The following MAGI2 variants were observed in gnomAD, a reference collection of about 807,000 sequenced individuals.
The protein encoded by MAGI2 is membrane-associated guanylate kinase, WW and PDZ domain-containing protein 2.
MAGI2 carries 35 observed loss-of-function variants against 133.3 expected under a neutral mutation model. That is an observed-to-expected ratio of 0.26 (90% CI 0.20 to 0.35). The LOEUF is 0.35. MAGI2 is among the 10% of genes least tolerant of loss of function. The pLI, the probability that MAGI2 is intolerant of heterozygous loss-of-function variation, is 1.00. For missense variants in MAGI2, 1,636 were observed against 1,863.4 expected (o/e 0.88, Z 2.25); for synonymous variants, 729 against 710.6 (o/e 1.03, Z -0.41).
chr7:78,473,867 G>A (rs1242371323), intron 6 of MAGI2, among the ~76,000 whole-genome samples: 1 of 152,004 alleles, frequency 6.6e-6, no homozygotes, highest in Admixed American at 6.6e-5. Flanking sequence ...GAGGGAATAA[G>A]CTAGGGAAAA....
At chr7:78,523,184 T>C (rs1430290627) in intron 3 of MAGI2, among the ~76,000 whole-genome samples, 2 of 152,208 alleles carry the variant, frequency 1.3e-5, no homozygotes, top group Admixed American at 6.5e-5. Flanking sequence ...AGCAAGTTAC[T>C]TAACCTCTGT....
intron 2 of MAGI2, among the ~76,000 whole-genome samples, chr7:78,743,081 T>C (rs1201669372): frequency 6.6e-6 from 1 of 152,190 alleles, no homozygotes; most frequent in Non-Finnish European, 1.5e-5. Flanking sequence ...TCTCAAAATC[T>C]TGACCCACAG....
chr7:78,656,611 TAC>T (rs1812307349), intron 2 of MAGI2, among the ~76,000 whole-genome samples: 1 of 152,194 alleles, frequency 6.6e-6, no homozygotes, highest in Non-Finnish European at 1.5e-5. Flanking sequence ...AGATCTAATG[TAC>T]AGCATGAGAA....
chr7:79,001,328 A>T (rs1217709953), intron 2 of MAGI2, among the ~76,000 whole-genome samples: 2 of 152,208 alleles, frequency 1.3e-5, no homozygotes, highest in Non-Finnish European at 1.5e-5. Context: ...AATATTTCCC[A>T]ATAAAACTGT....
At chr7:78,881,577 T>C (rs1016955101) in intron 2 of MAGI2, among the ~76,000 whole-genome samples, 2 of 152,020 alleles carry the variant, frequency 1.3e-5, no homozygotes, top group African/African-American at 4.8e-5. Flanking sequence ...TAAAGTATAA[T>C]TTTAAAAAAT....
At chr7:78,848,122 T>C (rs552818538) in intron 2 of MAGI2, among the ~76,000 whole-genome samples, 1 of 151,966 alleles carries the variant, frequency 6.6e-6, no homozygotes, top group Non-Finnish European at 1.5e-5. Context: ...TCTCTCTATT[T>C]GGCATCTCTA....
chr7:79,243,445 A>G (rs949493398), intron 1 of MAGI2, among the ~76,000 whole-genome samples: 1 of 152,214 alleles, frequency 6.6e-6, no homozygotes, highest in Admixed American at 6.5e-5. Flanking sequence ...TGGGGATATT[A>G]TAATAAGGGC....
At chr7:79,149,707 C>A (rs769285234) in intron 1 of MAGI2, among the ~76,000 whole-genome samples, 38 of 152,070 alleles carry the variant, frequency 2.5e-4, no homozygotes, top group African/African-American at 8.5e-4. Context: ...AGGCTCAGAG[C>A]CTTAGGTAGG....
intron 1 of MAGI2, among the ~76,000 whole-genome samples, chr7:79,188,904 T>C (rs1489038848): frequency 6.6e-6 from 1 of 152,010 alleles, no homozygotes; most frequent in Admixed American, 6.6e-5. Context: ...AGTATCAGGC[T>C]CTCTAACTTA....
Position 78,798,244 on chromosome 7 carries a change from A to G in MAGI2, c.419-171005T>C, listed in dbSNP as rs1485653737. On this transcript the variant is annotated intron_variant, in intron 2 of 21. Coordinates refer to ENST00000354212, the MANE Select transcript of MAGI2 (RefSeq NM_012301.4). ...TTCTATGATCATTAGTTCATCTTAC[A>G]GGAGAAATTGCTCTGAAGAGGGGTT... Among the ~76,000 whole-genome samples the G allele has an allele frequency of 2.0e-5, 3 of 152,260 alleles. No individual in the cohort carries two copies. In the East Asian group the frequency reaches 5.8e-4, roughly 29 times the overall value.
chr7:78,827,385 C>T (rs1790755476), intron 2 of MAGI2, among the ~76,000 whole-genome samples: 2 of 152,100 alleles, frequency 1.3e-5, no homozygotes, highest in Non-Finnish European at 2.9e-5. Flanking sequence ...CTCAAGTAAT[C>T]CTCCTGCCTC....
At chr7:78,124,876 T>A (rs112718424) in intron 20 of MAGI2, among the ~76,000 whole-genome samples, 1 of 151,466 alleles carries the variant, frequency 6.6e-6, no homozygotes, top group Non-Finnish European at 1.5e-5. Flanking sequence ...TTTTTTTTTT[T>A]TCTTGAGACA....
chr7:78,485,594 C>G (rs1042111244), intron 6 of MAGI2: 4 of 151,976 alleles, frequency 2.6e-5, no homozygotes, highest in African/African-American at 9.7e-5. Flanking sequence ...AGTATCCCCT[C>G]TCATCTCTCT....
intron 1 of MAGI2, among the ~76,000 whole-genome samples, chr7:79,360,639 C>G (rs1355334382): frequency 3.9e-5 from 6 of 151,922 alleles, no homozygotes; most frequent in African/African-American, 9.7e-5. Flanking sequence ...AGTAAAATAC[C>G]AGTAGACTCT....
chr7:79,014,873 A>T (rs1045557493), intron 1 of MAGI2, among the ~76,000 whole-genome samples: 50 of 152,082 alleles, frequency 3.3e-4, no homozygotes, highest in Admixed American at 2.2e-3. Flanking sequence ...CTCTAACTTC[A>T]CTCCAAAGTT....
chr7:79,435,305 C>A (rs539081439), intron 1 of MAGI2, among the ~76,000 whole-genome samples: 3 of 152,082 alleles, frequency 2.0e-5, no homozygotes, highest in Admixed American at 2.0e-4. Context: ...AGGCATTATG[C>A]CAGGTATTAG....
At chr7:78,348,445 C>T (rs1791144991) in intron 7 of MAGI2, 1 of 152,084 alleles carries the variant, frequency 6.6e-6, no homozygotes, top group Non-Finnish European at 1.5e-5. Context: ...TTTCTTATTA[C>T]TATTATTGAA....
chr7:79,076,619 C>A (rs1815487346), intron 1 of MAGI2, among the ~76,000 whole-genome samples: 1 of 152,066 alleles, frequency 6.6e-6, no homozygotes, highest in Admixed American at 6.6e-5. Flanking sequence ...TAATGCATAT[C>A]CCGTTTTCCT....
intron 1 of MAGI2, among the ~76,000 whole-genome samples, chr7:79,393,391 A>T (rs1448722887): frequency 1.3e-5 from 2 of 152,196 alleles, no homozygotes. Context: ...TCATGCAGTG[A>T]TTCATCTGAG....
Sources: allele counts gnomAD v4.1 joint callset (sites outside exome capture counted in the v4.1 genomes callset), GRCh38; gene constraint gnomAD v4.1.1; transcripts MANE v1.5; gene names NCBI Gene and HGNC (gene_info 2026-07-23, HGNC 2026-07-21).